DPYD: variants seen among roughly 807,000 people sequenced by gnomAD.
The protein encoded by DPYD is dihydropyrimidine dehydrogenase [NADP(+)].
Under a neutral mutation model 116.2 loss-of-function variants are expected in DPYD, and 109 were observed. The observed-to-expected ratio is 0.94, with a 90% confidence interval of 0.80 to 1.10. DPYD has a LOEUF of 1.10. Among genes scored for constraint, DPYD ranks in the 50% least tolerant of loss-of-function variants. The pLI is 0.00. For missense variants in DPYD, 1,302 were observed against 1,254.5 expected, an observed-to-expected ratio of 1.04 and a Z score of -0.57; for synonymous variants, 440 against 432.0, an observed-to-expected ratio of 1.02 and a Z score of -0.23.
intron 10 of DPYD, chr1:97,585,780 G>T: frequency 6.6e-6 from 1 of 152,226 alleles, no homozygotes; most frequent in South Asian, 2.1e-4. Flanking sequence ...ATGAAGAGGG[G>T]CTTCTAATGT....
intron 4 of DPYD, among the ~76,000 whole-genome samples, chr1:97,738,996 A>C (rs1271780071): frequency 1.3e-5 from 2 of 152,066 alleles, no homozygotes; most frequent in African/African-American, 4.8e-5. Flanking sequence ...TCTATGAAAA[A>C]ATTGGGGTAG....
At chr1:97,230,860 G>A (rs1335716929) in intron 19 of DPYD, among the ~76,000 whole-genome samples, 2 of 152,098 alleles carry the variant, frequency 1.3e-5, no homozygotes, top group Non-Finnish European at 2.9e-5. Context: ...GATGGCAAAG[G>A]TCTTGCCCCA....
intron 20 of DPYD, among the ~76,000 whole-genome samples, chr1:97,127,339 C>G (rs1652924985): frequency 6.6e-6 from 1 of 152,074 alleles, no homozygotes; most frequent in Non-Finnish European, 1.5e-5. Context: ...TGGGTTGGTC[C>G]AGGTAGGGGA....
chr1:97,377,291 A>G (rs1277570245), intron 15 of DPYD, among the ~76,000 whole-genome samples: 1 of 152,098 alleles, frequency 6.6e-6, no homozygotes, highest in Non-Finnish European at 1.5e-5. Context: ...CATATATAAG[A>G]GTTTAAAGAG....
intron 19 of DPYD, among the ~76,000 whole-genome samples, chr1:97,210,050 T>A (rs1659936771): frequency 6.6e-6 from 1 of 152,076 alleles, no homozygotes. Flanking sequence ...ATGTTTAACT[T>A]GGAGCATTTA....
chr1:97,904,998 A>G (rs920777823), intron 1 of DPYD, among the ~76,000 whole-genome samples: 2 of 152,062 alleles, frequency 1.3e-5, no homozygotes, highest in African/African-American at 2.4e-5. Context: ...GACTTACACA[A>G]TTAAAGTTAC....
At position 97,549,612 on chromosome 1, in the gene DPYD, T is replaced by C; in HGVS notation, c.1472A>G (p.Glu491Gly). ...DVVGLANTTV[E>G]SVNDGKQASW... ...AGCTTGCTTTCCATCATTCACCGAT[T>C]CCACTGTAGTGTTAGCCAAACCAAC... Residue 491 changes from glutamate to glycine, a missense_variant, in exon 12 of 23, where the codon GAA becomes GGA. Physicochemically the swap from Glu to Gly is moderately conservative, Grantham distance 98. Coordinates refer to ENST00000370192, the MANE Select transcript of DPYD (RefSeq NM_000110.4). The C allele has an allele frequency of 6.2e-7, 1 of 1,613,906 alleles. No individual in the cohort carries two copies. The highest frequency in any genetic ancestry group is 8.5e-7 in the Non-Finnish European group (1 of 1,179,870).
At chr1:97,415,786 G>C (rs2101681433) in intron 14 of DPYD, among the ~76,000 whole-genome samples, 1 of 152,298 alleles carries the variant, frequency 6.6e-6, no homozygotes, top group South Asian at 2.1e-4. Flanking sequence ...TACACTAACA[G>C]GTATGTTTAC....
chr1:97,559,913 T>C (rs1652020576), intron 11 of DPYD, among the ~76,000 whole-genome samples: 1 of 152,222 alleles, frequency 6.6e-6, no homozygotes, highest in African/African-American at 2.4e-5. Flanking sequence ...AGGCACTGTA[T>C]ATACTATCTC....
At chr1:97,096,667 C>T (rs1810252) in intron 21 of DPYD, among the ~76,000 whole-genome samples, 68,356 of 151,878 alleles carry the variant, frequency 0.45, 16,937 homozygotes, top group East Asian at 0.97. Flanking sequence ...CTCTGTAAAA[C>T]GCACGAATCA....
rs1241910237 is a variant in DPYD at position 97,234,878 on chromosome 1, G to T, written c.2416C>A (p.Leu806Ile). The change falls in exon 19 of 23, where the codon CTC (leucine) becomes ATC (isoleucine). Residue 806 changes from leucine to isoleucine, a missense_variant. Coordinates refer to ENST00000370192, the MANE Select transcript of DPYD (RefSeq NM_000110.4). ...TGGAGGACGGAAGCACCACTATGGA[G>T]AAACTGAAGACCACTTTCAGCAGAG... ...IDSAESGLQF[L>I]HSGASVLQVC... 6.2e-7 allele frequency: 1 copy of T among 1,613,836 alleles called. No individual in the cohort carries two copies. The highest frequency in any genetic ancestry group is 8.5e-7 in the Non-Finnish European group (1 of 1,179,958).
chr1:97,497,728 G>A (rs531448041), intron 13 of DPYD, among the ~76,000 whole-genome samples: 7 of 151,876 alleles, frequency 4.6e-5, no homozygotes, highest in African/African-American at 1.7e-4. Flanking sequence ...TACATTGCTG[G>A]TGAGAATGTA....
intron 18 of DPYD, among the ~76,000 whole-genome samples, chr1:97,275,618 G>A (rs1664883758): frequency 6.6e-6 from 1 of 152,306 alleles, no homozygotes; most frequent in East Asian, 1.9e-4. Context: ...AAATTGAGGT[G>A]TTTGAATATA....
At chr1:97,775,539 A>T (rs1342104198) in intron 3 of DPYD, among the ~76,000 whole-genome samples, 1 of 152,168 alleles carries the variant, frequency 6.6e-6, no homozygotes, top group Non-Finnish European at 1.5e-5. Context: ...CTTCTATGAC[A>T]TCTCTGATTA....
intron 18 of DPYD, chr1:97,295,760 C>T: frequency 1.0e-6 from 1 of 984,242 alleles, no homozygotes; most frequent in Non-Finnish European, 1.2e-6. Flanking sequence ...GCCAGTGCTA[C>T]TGTAAGAGAC....
intron 2 of DPYD, chr1:97,856,046 T>C (rs548668684): frequency 5.3e-5 from 8 of 152,262 alleles, no homozygotes; most frequent in Admixed American, 1.3e-4. Context: ...AATCAAAATT[T>C]TGAAGAATCT....
intron 19 of DPYD, among the ~76,000 whole-genome samples, chr1:97,207,412 A>AT (rs1659713904): frequency 6.6e-6 from 1 of 152,084 alleles, no homozygotes; most frequent in African/African-American, 2.4e-5. Flanking sequence ...CTTCTTCAGC[A>AT]TTTTTCTTCA....
chr1:97,738,035 G>A (rs977920859), intron 4 of DPYD, among the ~76,000 whole-genome samples: 1 of 152,038 alleles, frequency 6.6e-6, no homozygotes, highest in East Asian at 1.9e-4. Context: ...ATAAACACAT[G>A]CAAAATCATG....
At chr1:97,214,932 G>A (rs1311666601) in intron 19 of DPYD, among the ~76,000 whole-genome samples, 4 of 152,034 alleles carry the variant, frequency 2.6e-5, no homozygotes, top group African/African-American at 9.7e-5. Context: ...CCCTTTCCTT[G>A]GGTTCTGCTT....
Sources: gnomAD v4.1 joint callset for allele counts (sites outside exome capture counted in the v4.1 genomes callset) on GRCh38, gnomAD v4.1.1 for gene constraint, MANE v1.5 for transcripts, NCBI Gene and HGNC (gene_info 2026-07-23, HGNC 2026-07-21) for gene names.